Variants in UNC13C observed in about 807,000 individuals in gnomAD.
The protein encoded by UNC13C is unc-13 homolog C, also known as protein unc-13 homolog C.
Under a neutral mutation model 245.4 loss-of-function variants are expected in UNC13C, and 174 were observed. The observed-to-expected ratio is 0.71, with a 90% CI of 0.63 to 0.80. The LOEUF is 0.80. Ranked by LOEUF, UNC13C falls within the 30% of genes least tolerant of loss-of-function variation. The pLI is 0.00. For missense variants in UNC13C, 2,829 were observed against 2,602.9 expected (o/e 1.09, Z -1.89); for synonymous variants, 992 against 895.1 (o/e 1.11, Z -1.93).
chr15:54,609,607 A>G (rs552261548), intron 30 of UNC13C, among the ~76,000 whole-genome samples: 1 of 152,312 alleles, frequency 6.6e-6, no homozygotes, highest in African/African-American at 2.4e-5. Flanking sequence ...ATGAGAGTGT[A>G]TGATAGCAAA....
intron 7 of UNC13C, among the ~76,000 whole-genome samples, chr15:54,243,519 T>C (rs2035915350): frequency 6.6e-6 from 1 of 152,190 alleles, no homozygotes; most frequent in Non-Finnish European, 1.5e-5. Context: ...GATTGCTGGG[T>C]CAAGTGGTAT....
At chr15:54,317,553 G>A (rs141121617) in intron 13 of UNC13C, among the ~76,000 whole-genome samples, 13 of 151,888 alleles carry the variant, frequency 8.6e-5, no homozygotes, top group East Asian at 2.0e-4. Flanking sequence ...TGACTTTTAA[G>A]TAGTGAGCAA....
chr15:54,415,760 T>G (rs1167461438), intron 19 of UNC13C, among the ~76,000 whole-genome samples: 2 of 152,126 alleles, frequency 1.3e-5, no homozygotes, highest in African/African-American at 2.4e-5. Context: ...GTGAACAAGA[T>G]AGCCCTGGTC....
At chr15:54,622,932 T>C (rs1227684297) in intron 31 of UNC13C, among the ~76,000 whole-genome samples, 1 of 152,142 alleles carries the variant, frequency 6.6e-6, no homozygotes, top group African/African-American at 2.4e-5. Flanking sequence ...GTCACTTCAA[T>C]ACCCACTTTG....
the UNC13C span, among the ~76,000 whole-genome samples, chr15:53,881,963 T>A: frequency 6.6e-6 from 1 of 152,152 alleles, no homozygotes; most frequent in African/African-American, 2.4e-5. Flanking sequence ...CACAAGCCAC[T>A]TTTGAAAGAA....
chr15:53,892,801 G>A, the UNC13C span, among the ~76,000 whole-genome samples: 1 of 151,938 alleles, frequency 6.6e-6, no homozygotes, highest in Non-Finnish European at 1.5e-5. Flanking sequence ...TAGCTTCCTG[G>A]CATTGGATTA....
At chr15:54,446,016 G>C (rs1350977591) in intron 19 of UNC13C, among the ~76,000 whole-genome samples, 1 of 152,170 alleles carries the variant, frequency 6.6e-6, no homozygotes. Context: ...CCTATGGCTA[G>C]CCAGTTTTCC....
chr15:53,861,017 T>A, the UNC13C span, among the ~76,000 whole-genome samples: 2 of 152,296 alleles, frequency 1.3e-5, no homozygotes, highest in East Asian at 3.9e-4. Flanking sequence ...AAAATTCACC[T>A]TGTCAATGTA....
chr15:54,369,332 C>G (rs947863218), intron 17 of UNC13C, among the ~76,000 whole-genome samples: 1 of 152,158 alleles, frequency 6.6e-6, no homozygotes, highest in Non-Finnish European at 1.5e-5. Context: ...AAAAGCATTG[C>G]CTTTGCCGAA....
the UNC13C span, among the ~76,000 whole-genome samples, chr15:53,917,344 G>A: frequency 6.6e-6 from 1 of 152,294 alleles, no homozygotes; most frequent in South Asian, 2.1e-4. Context: ...AGCTGACACA[G>A]CTTTTAAGAC....
chr15:54,566,386 C>G (rs1436527142), intron 29 of UNC13C, among the ~76,000 whole-genome samples: 1 of 152,028 alleles, frequency 6.6e-6, no homozygotes, highest in Non-Finnish European at 1.5e-5. Context: ...TTTTAACATT[C>G]TTTATAAGAT....
intron 26 of UNC13C, among the ~76,000 whole-genome samples, chr15:54,539,019 A>G (rs1420046876): frequency 6.6e-6 from 1 of 152,058 alleles, no homozygotes; most frequent in Non-Finnish European, 1.5e-5. Context: ...AGGAAAAAAA[A>G]GTTGGATATT....
At chr15:54,134,940 G>T (rs1009479474) in intron 2 of UNC13C, among the ~76,000 whole-genome samples, 1 of 152,092 alleles carries the variant, frequency 6.6e-6, no homozygotes, top group East Asian at 1.9e-4. Flanking sequence ...TGTCATCAAT[G>T]TACAAGAGTT....
intron 10 of UNC13C, among the ~76,000 whole-genome samples, chr15:54,288,303 G>C (rs2037201646): frequency 6.6e-6 from 1 of 152,134 alleles, no homozygotes; most frequent in Non-Finnish European, 1.5e-5. Flanking sequence ...TCTACATATG[G>C]GTAAACCTTC....
At chr15:54,506,915 T>C (rs1433589211) in intron 22 of UNC13C, among the ~76,000 whole-genome samples, 1 of 152,132 alleles carries the variant, frequency 6.6e-6, no homozygotes, top group Non-Finnish European at 1.5e-5. Context: ...AAAATTTAAT[T>C]AACATGGTTT....
At chr15:54,304,005 G>A (rs527963836) in intron 13 of UNC13C, among the ~76,000 whole-genome samples, 2 of 152,032 alleles carry the variant, frequency 1.3e-5, no homozygotes, top group South Asian at 2.1e-4. Context: ...CTCAGGAAAG[G>A]CAAAACTCCT....
At chr15:54,607,657 C>T (rs1020795971) in intron 30 of UNC13C, among the ~76,000 whole-genome samples, 11 of 152,254 alleles carry the variant, frequency 7.2e-5, no homozygotes, top group African/African-American at 2.4e-4. Context: ...GTACATGAAG[C>T]ATGGCTGGGA....
chr15:53,901,705 T>A, the UNC13C span, among the ~76,000 whole-genome samples: 2 of 152,244 alleles, frequency 1.3e-5, no homozygotes, highest in East Asian at 3.8e-4. Flanking sequence ...GAGTCAAACA[T>A]ATGAATATTT....
At chr15:54,202,637 C>A (rs968035154) in intron 4 of UNC13C, among the ~76,000 whole-genome samples, 1 of 152,010 alleles carries the variant, frequency 6.6e-6, no homozygotes, top group East Asian at 1.9e-4. Context: ...AAACTGGGTC[C>A]TTATCTCTCA....
Sources: allele counts gnomAD v4.1 joint callset (sites outside exome capture counted in the v4.1 genomes callset), GRCh38; gene constraint gnomAD v4.1.1; transcripts MANE v1.5; gene names NCBI Gene and HGNC (gene_info 2026-07-23, HGNC 2026-07-21).